SOBP: variants seen among roughly 807,000 people sequenced by gnomAD.
SOBP encodes the protein sine oculis binding protein homolog.
Under a neutral mutation model 53.6 loss-of-function variants are expected in SOBP, and 4 were observed. The observed-to-expected ratio is 0.07, with a 90% CI of 0.04 to 0.17. The LOEUF is 0.17. Among genes scored for constraint, SOBP ranks in the 10% least tolerant of loss-of-function variants. The pLI is 1.00. For missense variants in SOBP, 1,088 were observed against 1,204.7 expected (o/e 0.90, Z 1.43); for synonymous variants, 584 against 522.6 (o/e 1.12, Z -1.60).
At chr6:107,513,652 G>T (rs1254321324) in intron 3 of SOBP, among the ~76,000 whole-genome samples, 1 of 149,208 alleles carries the variant, frequency 6.7e-6, no homozygotes, top group Non-Finnish European at 1.5e-5. Context: ...TTTAAAATAT[G>T]ATTATTAAAT....
intron 4 of SOBP, among the ~76,000 whole-genome samples, chr6:107,572,021 A>G (rs1785087229): frequency 6.6e-6 from 1 of 152,224 alleles, no homozygotes; most frequent in South Asian, 2.1e-4. Flanking sequence ...TCGGTAAAAT[A>G]AAAGAAAGCT....
At chr6:107,549,984 G>A (rs973538402) in intron 4 of SOBP, among the ~76,000 whole-genome samples, 1 of 152,174 alleles carries the variant, frequency 6.6e-6, no homozygotes, top group Non-Finnish European at 1.5e-5. Flanking sequence ...CTCATTCCTG[G>A]GAAGCCTGGC....
intron 6 of SOBP, among the ~76,000 whole-genome samples, chr6:107,651,754 T>C (rs1771810558): frequency 6.6e-6 from 1 of 152,204 alleles, no homozygotes; most frequent in South Asian, 2.1e-4. Context: ...GCTGACTCTC[T>C]TGGTAGGGGC....
intron 4 of SOBP, among the ~76,000 whole-genome samples, chr6:107,573,382 C>A (rs1785132534): frequency 6.6e-6 from 1 of 151,746 alleles, no homozygotes; most frequent in Non-Finnish European, 1.5e-5. Context: ...GAAAAGAAAG[C>A]AGATTTGTGA....
At chr6:107,628,299 A>G (rs140303811) in intron 5 of SOBP, among the ~76,000 whole-genome samples, 3 of 152,346 alleles carry the variant, frequency 2.0e-5, no homozygotes, top group Non-Finnish European at 2.9e-5. Context: ...GCTGGGATGC[A>G]CATAGAATTG....
chr6:107,620,723 A>AT (rs1786973500), intron 5 of SOBP, among the ~76,000 whole-genome samples: 1 of 152,210 alleles, frequency 6.6e-6, no homozygotes, highest in Non-Finnish European at 1.5e-5. Context: ...TCACTCTTAG[A>AT]TACTAAGCAC....
At chr6:107,507,247 G>A (rs1344690906) in intron 3 of SOBP, among the ~76,000 whole-genome samples, 1 of 152,034 alleles carries the variant, frequency 6.6e-6, no homozygotes, top group Non-Finnish European at 1.5e-5. Context: ...TATCCAACCC[G>A]TGGCCCAACC....
chr6:107,505,158 T>G (rs1484060917), intron 2 of SOBP, among the ~76,000 whole-genome samples: 1 of 152,224 alleles, frequency 6.6e-6, no homozygotes, highest in Non-Finnish European at 1.5e-5. Flanking sequence ...TTCTTTCTCA[T>G]TGGTTCATGT....
At chr6:107,613,501 T>G (rs776763088) in intron 5 of SOBP, among the ~76,000 whole-genome samples, 11 of 152,232 alleles carry the variant, frequency 7.2e-5, no homozygotes, top group Non-Finnish European at 8.8e-5. Context: ...GATATAAGAA[T>G]GACTCATTCT....
chr6:107,641,319 A>G lies in SOBP; in HGVS notation c.*3+5850A>G, dbSNP rs17068430. ...GCAAAAGGTTACAGACTTTTCTTCAAGTTACCATTTCCCACAAGGGCCTGT... is the reference window on the plus strand; with the variant it reads ...GCAAAAGGTTACAGACTTTTCTTCAGGTTACCATTTCCCACAAGGGCCTGT... On this transcript the variant is annotated intron_variant, in intron 6 of 6. Coordinates refer to ENST00000317357, the MANE Select transcript of SOBP (RefSeq NM_018013.4). Among the ~76,000 whole-genome samples, 930 of 152,350 alleles carry G rather than the reference A, an allele frequency of 6.1e-3. 8 individuals carry two copies. The highest frequency in any genetic ancestry group is 0.02 in the South Asian group (96 of 4,824).
intron 4 of SOBP, among the ~76,000 whole-genome samples, chr6:107,577,538 C>T (rs1053185779): frequency 7.9e-5 from 12 of 152,092 alleles, no homozygotes; most frequent in Admixed American, 3.3e-4. Flanking sequence ...ATTTATATAC[C>T]GAATGCCAGG....
intron 1 of SOBP, among the ~76,000 whole-genome samples, chr6:107,498,264 C>T (rs143868384): frequency 6.6e-6 from 1 of 152,164 alleles, no homozygotes; most frequent in Non-Finnish European, 1.5e-5. Context: ...CATGACTTGC[C>T]CCTCATTGGG....
chr6:107,599,743 G>T (rs569950089), intron 5 of SOBP, among the ~76,000 whole-genome samples: 15 of 152,158 alleles, frequency 9.9e-5, no homozygotes, highest in African/African-American at 3.6e-4. Context: ...ACTTTTTGGG[G>T]TCATCTTTTT....
At position 107,634,765 on chromosome 6, in the gene SOBP, G is replaced by C. The variant is rs1434184349; in HGVS notation, c.1921G>C (p.Gly641Arg). ...PGPPGAGGQLGFPGVLQGPQD... is the reference protein window; with the variant it reads ...PGPPGAGGQLRFPGVLQGPQD... Reference sequence around the variant, plus strand: ...CCCCCCGGGCGCGGGCGGCCAGCTCGGCTTCCCAGGCGTGCTGCAGGGCCC... The same window carrying C: ...CCCCCCGGGCGCGGGCGGCCAGCTCCGCTTCCCAGGCGTGCTGCAGGGCCC... The change falls in exon 6 of 7, where the codon GGC (glycine) becomes CGC (arginine). Residue 641 changes from glycine to arginine, a missense_variant. By Grantham distance (125) the Gly-to-Arg change is moderately radical. Around this residue, in one of 6 missense-constraint regions of SOBP, gnomAD observed 665 missense variants for 629.7 expected, o/e 1.06. Coordinates refer to ENST00000317357, the MANE Select transcript of SOBP (RefSeq NM_018013.4). This position sits in a 1 kb window ranked among gnomAD's most constrained non-coding sequence, Gnocchi z 4.5. The C allele has an allele frequency of 7.4e-7, 1 of 1,350,960 alleles. No individual in the cohort carries two copies. Among genetic ancestry groups the C allele is most frequent in the Non-Finnish European group, 9.5e-7 (1 of 1,056,430 alleles). The allele number at this position is 1,350,960 out of a possible 1,614,324, so 83.7% of individuals were successfully genotyped here.
chr6:107,509,504 A>G (rs1783101646), intron 3 of SOBP, among the ~76,000 whole-genome samples: 1 of 151,996 alleles, frequency 6.6e-6, no homozygotes, highest in South Asian at 2.1e-4. Context: ...TAGAGTTATC[A>G]TGCACATAAA....
chr6:107,611,357 C>T (rs1018659734), intron 5 of SOBP, among the ~76,000 whole-genome samples: 2 of 152,230 alleles, frequency 1.3e-5, no homozygotes, highest in African/African-American at 4.8e-5. Flanking sequence ...GCAACAAAAA[C>T]TTCCTGCAGA....
chr6:107,548,522 G>A (rs180811727), intron 4 of SOBP, among the ~76,000 whole-genome samples: 4 of 152,170 alleles, frequency 2.6e-5, no homozygotes, highest in African/African-American at 7.2e-5. Flanking sequence ...GATTACAGGC[G>A]TGAGCCACCG....
intron 4 of SOBP, among the ~76,000 whole-genome samples, chr6:107,554,395 G>A (rs985244349): frequency 3.9e-5 from 6 of 152,142 alleles, no homozygotes; most frequent in Non-Finnish European, 7.4e-5. Context: ...AGCTCTAGTC[G>A]TGGTAAGATG....
chr6:107,624,043 G>A (rs78979083), intron 5 of SOBP, among the ~76,000 whole-genome samples: 3 of 152,162 alleles, frequency 2.0e-5, no homozygotes, highest in Non-Finnish European at 2.9e-5. Context: ...GGAATATAAC[G>A]AAGAGTCAAT....
Sources: allele counts gnomAD v4.1 joint callset (sites outside exome capture counted in the v4.1 genomes callset), GRCh38; gene constraint gnomAD v4.1.1; regional missense constraint gnomAD v4.1.1; non-coding constraint Gnocchi (gnomAD v3.1); transcripts MANE v1.5; gene names NCBI Gene and HGNC (gene_info 2026-07-23, HGNC 2026-07-21).